Variants in KCNJ6 observed in about 807,000 individuals in gnomAD.
The protein encoded by KCNJ6 is potassium inwardly rectifying channel subfamily J member 6.
KCNJ6 carries 9 observed loss-of-function variants against 34.2 expected under a neutral mutation model. The observed-to-expected ratio is 0.26, with a 90% CI of 0.16 to 0.46. The LOEUF (loss-of-function observed/expected upper bound fraction) is 0.46, where lower values mean the gene tolerates loss of function less well. KCNJ6 is among the 20% of genes least tolerant of loss of function. The probability of loss-of-function intolerance (pLI) is 1.00; values close to 1 mark genes in which losing one functional copy is unlikely to be tolerated. For missense variants in KCNJ6, 236 were observed against 531.3 expected, an observed-to-expected ratio of 0.44 and a Z score of 5.46; for synonymous variants, 196 against 207.1, an observed-to-expected ratio of 0.95 and a Z score of 0.46.
At chr21:37,861,935 G>C (rs7282418) in intron 1 of KCNJ6, among the ~76,000 whole-genome samples, 46,617 of 151,980 alleles carry the variant, frequency 0.31, 7,571 homozygotes, top group African/African-American at 0.4. Flanking sequence ...TGGGTACCCT[G>C]AGCTTCCAGT....
In KCNJ6 at chr21:37,638,871, T is replaced by C. The variant is rs149600885; in HGVS notation, c.947-13387A>G. Among the ~76,000 whole-genome samples, 6 of 152,334 alleles carry C rather than the reference T, an allele frequency of 3.9e-5. No homozygotes were observed. In the East Asian group the frequency reaches 9.6e-4, roughly 24 times the overall value. Reference sequence around the variant, plus strand: ...CCTCCAACAGTAAGAATCTGAATTCTCAACAACCTGTATATGTAGGCTCTC... The same window carrying C: ...CCTCCAACAGTAAGAATCTGAATTCCCAACAACCTGTATATGTAGGCTCTC... On this transcript the variant is annotated intron_variant, in intron 3 of 3. Transcript: ENST00000609713.
At chr21:37,660,591 C>T (rs1346826076) in intron 3 of KCNJ6, among the ~76,000 whole-genome samples, 7 of 152,184 alleles carry the variant, frequency 4.6e-5, no homozygotes, top group South Asian at 4.1e-4. Flanking sequence ...GACTTGTAGA[C>T]GATGGTAGCT....
rs35281433 is a variant in KCNJ6, at chr21:37,607,484, T to TATATATATATATATATATATATA, written c.*17674_*17675insTATATATATATATATATATATAT. On this transcript the variant is annotated 3_prime_UTR_variant, in exon 4 of 4. Coordinates refer to ENST00000609713, the MANE Select transcript of KCNJ6 (RefSeq NM_002240.5). ...TAAAGATATATATATATATATATAT[T>TATATATATATATATATATATATA]TTTTTTTTATTTTAAAAAAATTTGG... is the stretch of plus-strand genomic sequence containing the variant. 80 of 62,118 alleles carry TATATATATATATATATATATATA rather than the reference T, an allele frequency of 1.3e-3. No individual in the cohort carries two copies. The highest frequency in any genetic ancestry group is 2.6e-3 in the East Asian group (4 of 1,548). 3.8% of individuals were successfully genotyped at this position (62,118 alleles called of 1,614,324 possible).
chr21:37,762,379 C>T (rs1256039951), intron 2 of KCNJ6, among the ~76,000 whole-genome samples: 1 of 152,140 alleles, frequency 6.6e-6, no homozygotes, highest in Non-Finnish European at 1.5e-5. Context: ...TGTGGATGAA[C>T]AGGTGAGAGG....
At chr21:37,892,937 C>T (rs932181303) in intron 1 of KCNJ6, among the ~76,000 whole-genome samples, 3 of 150,766 alleles carry the variant, frequency 2.0e-5, no homozygotes, top group African/African-American at 7.3e-5. Flanking sequence ...AGTGCAAGCT[C>T]CACCTCCCGG....
At chr21:37,859,487 T>TTATATATATATATATA (rs55859652) in intron 1 of KCNJ6, among the ~76,000 whole-genome samples, 54 of 84,228 alleles carry the variant, frequency 6.4e-4, no homozygotes, top group African/African-American at 1.3e-3. Context: ...TTATATTACT[T>TTATATATATATATATA]TATATATATA....
chr21:37,671,426 G>A (rs959921288), intron 3 of KCNJ6, among the ~76,000 whole-genome samples: 1 of 152,188 alleles, frequency 6.6e-6, no homozygotes, highest in African/African-American at 2.4e-5. Flanking sequence ...ACTTTGCCCT[G>A]TACCCTTCTT....
chr21:37,769,191 C>T lies in KCNJ6; in HGVS notation c.26-54060G>A, dbSNP rs151205385. ...GTGTCAGTGTGGGCAGGCAATTTCCCCTAAGAGCTTACGTGATGTTCCAGA... is the reference window on the plus strand; with the variant it reads ...GTGTCAGTGTGGGCAGGCAATTTCCTCTAAGAGCTTACGTGATGTTCCAGA... On this transcript the variant is annotated intron_variant, in intron 2 of 3. Transcript: ENST00000609713. Among the ~76,000 whole-genome samples the T allele has an allele frequency of 3.0e-3, 461 of 152,172 alleles. 5 individuals are homozygous for T. The highest frequency in any genetic ancestry group is 0.019 in the Admixed American group (291 of 15,266).
intron 3 of KCNJ6, among the ~76,000 whole-genome samples, chr21:37,710,749 T>C: frequency 6.6e-6 from 1 of 152,190 alleles, no homozygotes; most frequent in Non-Finnish European, 1.5e-5. Flanking sequence ...TTAACACACA[T>C]GGGCCACAGC....
chr21:37,759,709 C>T (rs745480416), intron 2 of KCNJ6, among the ~76,000 whole-genome samples: 20 of 152,148 alleles, frequency 1.3e-4, no homozygotes, highest in Non-Finnish European at 2.1e-4. Context: ...ATTTTATCTG[C>T]GTGTTCACCT....
rs2054296471 is a variant in KCNJ6, at chr21:37,623,354, T to C, written c.*1805A>G. 1 of 152,262 alleles carries C rather than the reference T, an allele frequency of 6.6e-6. No homozygotes were observed. Among genetic ancestry groups the C allele is most frequent in the African/African-American group, 2.4e-5 (1 of 41,456 alleles). 9.4% of individuals were successfully genotyped at this position (152,262 alleles called of 1,614,324 possible). A position where few individuals can be genotyped will look rare whatever the true frequency, so the allele number is the denominator to read the frequency against. On this transcript the variant is annotated 3_prime_UTR_variant, in exon 4 of 4. Transcript: ENST00000609713. ...GGGAAACAAAGAGGGACAGCTAGTT[T>C]GATCTCTTTGACCTCCATGGTGCAG...
intron 2 of KCNJ6, among the ~76,000 whole-genome samples, chr21:37,725,451 T>C (rs2054849556): frequency 6.6e-6 from 1 of 152,144 alleles, no homozygotes; most frequent in South Asian, 2.1e-4. Flanking sequence ...AGGAAAGCAA[T>C]ACAAATAAGA....
In KCNJ6 at chr21:37,765,964, T is replaced by A. The variant is rs555802222; in HGVS notation, c.26-50833A>T. Among the ~76,000 whole-genome samples the A allele has an allele frequency of 3.9e-5, 6 of 152,346 alleles. No homozygotes were observed. In the East Asian group the frequency reaches 1.2e-3, roughly 29 times the overall value. ...ATATGCATATTATGTATTTTGCATA[T>A]TTGTAAGTTGAGTGCTGTACATCCT... On this transcript the variant is annotated intron_variant, in intron 2 of 3. Transcript: ENST00000609713.
At chr21:37,731,879 G>A (rs1569453623) in intron 2 of KCNJ6, among the ~76,000 whole-genome samples, 5 of 152,214 alleles carry the variant, frequency 3.3e-5, no homozygotes, top group Non-Finnish European at 5.9e-5. Context: ...CCAGGATGAG[G>A]AGGCCAAGGT....
At chr21:37,867,465 A>G (rs2055628359) in intron 1 of KCNJ6, among the ~76,000 whole-genome samples, 1 of 152,222 alleles carries the variant, frequency 6.6e-6, no homozygotes, top group Non-Finnish European at 1.5e-5. Context: ...CAGATCCTTT[A>G]TCTTGCCTTT....
chr21:37,621,695 A>G lies in KCNJ6; in HGVS notation c.*3464T>C, dbSNP rs762898021. ...AGGGAACATAAGGTACTGAACTAAA[A>G]CAATAGAATTGGAACTGGAGAACCA... On this transcript the variant is annotated 3_prime_UTR_variant, in exon 4 of 4. Transcript: ENST00000609713. The G allele has an allele frequency of 2.6e-5, 4 of 152,232 alleles. No individual in the cohort carries two copies. Among genetic ancestry groups the G allele is most frequent in the Non-Finnish European group, 5.9e-5 (4 of 68,070 alleles). The allele number at this position is 152,232 out of a possible 1,614,324, so 9.4% of individuals were successfully genotyped here. A position where few individuals can be genotyped will look rare whatever the true frequency, so the allele number is the denominator to read the frequency against.
At chr21:37,764,195 C>T (rs1206141368) in intron 2 of KCNJ6, among the ~76,000 whole-genome samples, 6 of 152,016 alleles carry the variant, frequency 3.9e-5, no homozygotes, top group Non-Finnish European at 8.8e-5. Context: ...GCAAGAGGTA[C>T]CTAGTCATGG....
chr21:37,892,891 C>T (rs1480327679), intron 1 of KCNJ6, among the ~76,000 whole-genome samples: 2 of 145,020 alleles, frequency 1.4e-5, no homozygotes, highest in Non-Finnish European at 3.0e-5. Flanking sequence ...CTTGCTCTGT[C>T]ACCCAGGCTG....
At chr21:37,626,043 C>T (rs2054309247) in intron 3 of KCNJ6, among the ~76,000 whole-genome samples, 1 of 152,188 alleles carries the variant, frequency 6.6e-6, no homozygotes, top group Non-Finnish European at 1.5e-5. Flanking sequence ...GAAGGGTCAC[C>T]CACCTGAATT....
Sources: allele counts gnomAD v4.1 joint callset (sites outside exome capture counted in the v4.1 genomes callset), GRCh38; gene constraint gnomAD v4.1.1; transcripts MANE v1.5; gene names NCBI Gene and HGNC (gene_info 2026-07-23, HGNC 2026-07-21).